EYS: variants seen among roughly 807,000 people sequenced by gnomAD.
The protein encoded by EYS is protein eyes shut homolog.
A neutral mutation model predicts 282.1 loss-of-function variants in EYS; 250 were observed. The ratio of observed to expected loss-of-function variants is 0.89; its 90% CI spans 0.80 to 0.98. The LOEUF (loss-of-function observed/expected upper bound fraction) is 0.98, where lower values mean the gene tolerates loss of function less well. Among genes scored for constraint, EYS ranks in the 50% least tolerant of loss-of-function variants. The pLI, the probability that EYS is intolerant of heterozygous loss-of-function variation, is 0.00. For synonymous variants in EYS, 1,355 were observed against 1,282.9 expected, an observed-to-expected ratio of 1.06 and a Z score of -1.20; for missense variants, 4,016 against 3,709.0, an observed-to-expected ratio of 1.08 and a Z score of -2.15.
At chr6:65,405,550 C>G (rs1361237769) in intron 5 of EYS, among the ~76,000 whole-genome samples, 183 bp from the exon 6 acceptor site, 1 of 151,962 alleles carries the variant, frequency 6.6e-6, no homozygotes, top group African/African-American at 2.4e-5. Context: ...TCTACAGTAA[C>G]TTTTGCAAAT....
chr6:64,674,599 A>G (rs1362698234), intron 22 of EYS, among the ~76,000 whole-genome samples: 1 of 152,044 alleles, frequency 6.6e-6, no homozygotes, highest in Non-Finnish European at 1.5e-5. Context: ...ATTATCTTTA[A>G]TATACCAACA....
At chr6:64,341,979 C>T (rs1204397105) in intron 29 of EYS, among the ~76,000 whole-genome samples, 1 of 151,362 alleles carries the variant, frequency 6.6e-6, no homozygotes, top group Non-Finnish European at 1.5e-5. Context: ...ATAAGTAAAC[C>T]ATAAAATATG....
At chr6:65,585,042 G>A (rs1764997931) in intron 2 of EYS, among the ~76,000 whole-genome samples, 4 of 151,688 alleles carry the variant, frequency 2.6e-5, no homozygotes, top group African/African-American at 9.7e-5. Context: ...AGATAAAAGT[G>A]TGGTCCATTG....
At chr6:64,039,857 G>T (rs1770301537) in intron 33 of EYS, among the ~76,000 whole-genome samples, 1 of 151,886 alleles carries the variant, frequency 6.6e-6, no homozygotes, top group African/African-American at 2.4e-5. Flanking sequence ...TGATTATTTT[G>T]CTATTATCAA....
chr6:65,372,071 A>T (rs944329956), intron 8 of EYS, among the ~76,000 whole-genome samples: 3 of 151,754 alleles, frequency 2.0e-5, no homozygotes. Flanking sequence ...GTGAAGTTAA[A>T]GTAGATTAGT....
intron 39 of EYS, among the ~76,000 whole-genome samples, chr6:63,781,656 C>T (rs991913139): frequency 1.3e-5 from 2 of 152,082 alleles, no homozygotes; most frequent in African/African-American, 2.4e-5. Context: ...TGGGCTGAGA[C>T]AATGGGGTTT....
At chr6:64,662,414 T>A (rs929105999) in intron 22 of EYS, among the ~76,000 whole-genome samples, 3 of 152,072 alleles carry the variant, frequency 2.0e-5, no homozygotes, top group African/African-American at 7.2e-5. Context: ...AAGTCCCAGA[T>A]TTAGTTTGCT....
At position 63,957,111 on chromosome 6, in the gene EYS, C is replaced by T. The variant is rs117567468; in HGVS notation, c.7055+27272G>A. On this transcript the variant is annotated intron_variant, in intron 35 of 42. Transcript: ENST00000503581. ...AGCCAATAGCATTATAACTCATGCCCGGATGAAGCTTATGTAAGACAATAT... is the reference window on the plus strand; with the variant it reads ...AGCCAATAGCATTATAACTCATGCCTGGATGAAGCTTATGTAAGACAATAT... 7.6e-4 allele frequency among the ~76,000 whole-genome samples: 109 copies of T among 142,730 alleles called. 12 individuals are homozygous for T. The highest frequency in any genetic ancestry group is 1.1e-3 in the Non-Finnish European group (70 of 62,538). The allele number at this position is 142,730 out of a possible 152,430, so 93.6% of individuals were successfully genotyped here.
chr6:65,031,775 A>T (rs1772612897), intron 13 of EYS, among the ~76,000 whole-genome samples: 1 of 152,140 alleles, frequency 6.6e-6, no homozygotes, highest in Admixed American at 6.5e-5. Flanking sequence ...CACATCAAAG[A>T]GTTAGGAAGA....
chr6:64,319,755 G>A lies in EYS; in HGVS notation c.6079-12673C>T, dbSNP rs574290307. 5.3e-5 allele frequency among the ~76,000 whole-genome samples: 8 copies of A among 151,838 alleles called. No homozygotes were observed. The South Asian group carries it at 1.5e-3, about 28-fold the overall frequency. ...GACAGATAGATAGACAGACAGACAGGAAGACAGACATTTCCCCTTAAATTA... is the reference window on the plus strand; with the variant it reads ...GACAGATAGATAGACAGACAGACAGAAAGACAGACATTTCCCCTTAAATTA... On this transcript the variant is annotated intron_variant, in intron 29 of 42. Coordinates refer to ENST00000503581, the MANE Select transcript of EYS (RefSeq NM_001142800.2).
chr6:65,064,419 C>A (rs1034831227), intron 12 of EYS, among the ~76,000 whole-genome samples: 2 of 143,366 alleles, frequency 1.4e-5, no homozygotes, highest in Non-Finnish European at 1.5e-5. Context: ...ATACTATATA[C>A]CATATACCAT....
chr6:64,206,749 T>G (rs1765620541), intron 31 of EYS, among the ~76,000 whole-genome samples: 1 of 152,202 alleles, frequency 6.6e-6, no homozygotes. Context: ...TTATAGAGCA[T>G]TTGAACAATG....
intron 12 of EYS, among the ~76,000 whole-genome samples, chr6:65,075,052 A>C (rs1774005984): frequency 6.6e-6 from 1 of 152,170 alleles, no homozygotes; most frequent in Admixed American, 6.6e-5. Context: ...AAATGTATAT[A>C]ATTTTCATAT....
At chr6:65,355,689 A>G (rs927276115) in intron 8 of EYS, among the ~76,000 whole-genome samples, 6 of 152,144 alleles carry the variant, frequency 3.9e-5, no homozygotes, top group African/African-American at 1.4e-4. Flanking sequence ...ACATTTTTCA[A>G]AAGAAAACAT....
rs369543526 is a variant in EYS at position 64,772,646 on chromosome 6, G to A, written c.3443+40732C>T. On this transcript the variant is annotated intron_variant, in intron 22 of 42. Transcript: ENST00000503581. ...TTTTGTATCCATTAACTATCCCTAC[G>A]TACTCTGCCTCCTCCACTACCCTTC... Among the ~76,000 whole-genome samples the A allele has an allele frequency of 5.3e-5, 8 of 151,618 alleles. No homozygotes were observed. In the East Asian group the frequency reaches 5.8e-4, roughly 11 times the overall value.
chr6:63,824,246 C>A (rs1771398002), intron 36 of EYS, among the ~76,000 whole-genome samples: 1 of 152,062 alleles, frequency 6.6e-6, no homozygotes, highest in South Asian at 2.1e-4. Flanking sequence ...ATATAATAGA[C>A]ATGCCAATTC....
Position 65,080,816 on chromosome 6 carries a change from T to C in EYS, c.2024-23089A>G, listed in dbSNP as rs142330828. On this transcript the variant is annotated intron_variant, in intron 12 of 42. Coordinates refer to ENST00000503581, the MANE Select transcript of EYS (RefSeq NM_001142800.2). ...AATGTGCTATTTCAAAACAATGATA[T>C]TTTCTAATATTTCATAAGCACTAAA... 1.5e-3 allele frequency among the ~76,000 whole-genome samples: 221 copies of C among 152,278 alleles called. 2 individuals are homozygous for C. Among genetic ancestry groups the C allele is most frequent in the African/African-American group, 4.9e-3 (204 of 41,576 alleles).
intron 27 of EYS, 120 bp downstream of exon 27, chr6:64,439,042 C>T (rs1774846267): frequency 4.4e-6 from 2 of 449,688 alleles, no homozygotes; most frequent in Non-Finnish European, 3.8e-6. Context: ...GAAGAGACAT[C>T]CTGGTGGTGA....
At chr6:64,574,187 A>G (rs568512748) in intron 26 of EYS, among the ~76,000 whole-genome samples, 21 of 152,180 alleles carry the variant, frequency 1.4e-4, no homozygotes, top group Non-Finnish European at 2.6e-4. Flanking sequence ...CGGAAAATCA[A>G]ACACCACATG....
Sources: allele counts gnomAD v4.1 joint callset (sites outside exome capture counted in the v4.1 genomes callset), GRCh38; gene constraint gnomAD v4.1.1; transcripts MANE v1.5; gene names NCBI Gene and HGNC (gene_info 2026-07-23, HGNC 2026-07-21).